KCTD1: variants seen among roughly 807,000 people sequenced by gnomAD.
KCTD1 encodes potassium channel tetramerization domain containing 1, also known as BTB/POZ domain-containing protein KCTD1.
Under a neutral mutation model 66.0 loss-of-function variants are expected in KCTD1, and 24 were observed. That is an observed-to-expected ratio of 0.36 (90% CI 0.26 to 0.51). The LOEUF (loss-of-function observed/expected upper bound fraction) is 0.51, where lower values mean the gene tolerates loss of function less well. Among genes scored for constraint, KCTD1 ranks in the 20% least tolerant of loss-of-function variants. The pLI is 0.95. For synonymous variants in KCTD1, 511 were observed against 517.2 expected (o/e 0.99, Z 0.16); for missense variants, 943 against 1,205.2 (o/e 0.78, Z 3.22).
At chr18:26,493,758 A>G (rs562937463) in intron 2 of KCTD1, among the ~76,000 whole-genome samples, 1 of 152,272 alleles carries the variant, frequency 6.6e-6, no homozygotes, top group African/African-American at 2.4e-5. Context: ...ATTATTGACT[A>G]TAGTCACTGT....
At position 26,468,992 on chromosome 18, in the gene KCTD1, A is replaced by T. The variant is rs998358324; in HGVS notation, c.2133+7523T>A. ...TGTATTTGTGACTCCTGTAAACTGC[A>T]CTGCTCCTGCTGATGCAATTCCATC... On this transcript the variant is annotated intron_variant, in intron 3 of 4. Transcript: ENST00000580059. The surrounding 1 kb of genome is among the most constrained non-coding windows in gnomAD (Gnocchi z 4.8). 6.6e-6 allele frequency among the ~76,000 whole-genome samples: 1 copy of T among 152,158 alleles called. No homozygotes were observed. The highest frequency in any genetic ancestry group is 6.5e-5 in the Admixed American group (1 of 15,284).
chr18:26,500,992 C>CACTG, intron 2 of KCTD1, 80 bp downstream of exon 2: 2 of 1,489,870 alleles, frequency 1.3e-6, no homozygotes, highest in Non-Finnish European at 1.8e-6. Context: ...CACGAGGCTA[C>CACTG]ACTGCTATGC....
chr18:26,463,225 G>A (rs928190034), intron 3 of KCTD1, among the ~76,000 whole-genome samples: 9 of 152,168 alleles, frequency 5.9e-5, no homozygotes, highest in East Asian at 1.9e-4. Flanking sequence ...GAAGGTGGAG[G>A]CAGGAGGATT....
intron 1 of KCTD1, among the ~76,000 whole-genome samples, chr18:26,532,452 T>G (rs2144780018): frequency 6.6e-6 from 1 of 151,892 alleles, no homozygotes; most frequent in South Asian, 2.1e-4. Flanking sequence ...TTTGTAGAGA[T>G]GGGGTCTCAT....
At chr18:26,651,991 T>C (rs1356156542) in intron 1 of KCTD1, among the ~76,000 whole-genome samples, 1 of 152,016 alleles carries the variant, frequency 6.6e-6, no homozygotes, top group Admixed American at 6.6e-5. Context: ...GAGATAGGTA[T>C]TCCAGACGGC....
intron 1 of KCTD1, among the ~76,000 whole-genome samples, chr18:26,614,212 C>T (rs1313629218): frequency 6.6e-6 from 1 of 152,178 alleles, no homozygotes; most frequent in Non-Finnish European, 1.5e-5. Context: ...GATCAGTGCC[C>T]AGCACACAGT....
At chr18:26,607,185 C>T (rs1265567659) in intron 1 of KCTD1, among the ~76,000 whole-genome samples, 2 of 152,170 alleles carry the variant, frequency 1.3e-5, no homozygotes, top group Non-Finnish European at 2.9e-5. Context: ...TAGGTGCAAG[C>T]CACCAAGCCA....
At chr18:26,570,467 G>A (rs1298884006) in intron 1 of KCTD1, among the ~76,000 whole-genome samples, 1 of 152,038 alleles carries the variant, frequency 6.6e-6, no homozygotes, top group Non-Finnish European at 1.5e-5. Context: ...GGAATTCAGT[G>A]GTGTGATCAT....
chr18:26,540,143 G>A (rs1984908030), intron 1 of KCTD1, among the ~76,000 whole-genome samples: 1 of 152,146 alleles, frequency 6.6e-6, no homozygotes, highest in Admixed American at 6.5e-5. Context: ...GGTTAAACCG[G>A]ACTAGGGACA....
At chr18:26,503,042 T>C (rs1982847642) in intron 1 of KCTD1, among the ~76,000 whole-genome samples, 1 of 152,190 alleles carries the variant, frequency 6.6e-6, no homozygotes, top group Non-Finnish European at 1.5e-5. Flanking sequence ...CTACTGTGAA[T>C]GGGGTGGTGA....
upstream of KCTD1, chr18:26,548,750 C>G (rs2144845346): frequency 9.0e-7 from 1 of 1,110,100 alleles, no homozygotes; most frequent in South Asian, 4.6e-5. Context: ...CAAGTTAGAC[C>G]GGAGAGATAG....
intron 2 of KCTD1, among the ~76,000 whole-genome samples, chr18:26,485,422 C>A (rs1211548340): frequency 2.6e-5 from 4 of 152,228 alleles, no homozygotes; most frequent in Non-Finnish European, 5.9e-5. Flanking sequence ...GACAGATTTG[C>A]ATCCTTGGGA....
intron 1 of KCTD1, among the ~76,000 whole-genome samples, chr18:26,637,593 G>A (rs11083175): frequency 0.16 from 23,921 of 152,220 alleles, 2,576 homozygotes; most frequent in East Asian, 0.29. Flanking sequence ...CGTCCTTTCA[G>A]TGGAGAAAGG....
intron 2 of KCTD1, among the ~76,000 whole-genome samples, chr18:26,477,929 G>T (rs903511432): frequency 6.6e-6 from 1 of 152,038 alleles, no homozygotes; most frequent in Admixed American, 6.5e-5. Context: ...AACTTTCCAC[G>T]AATTGCCTGT....
intron 2 of KCTD1, among the ~76,000 whole-genome samples, chr18:26,500,099 T>C (rs977796041): frequency 4.6e-5 from 7 of 151,824 alleles, no homozygotes; most frequent in African/African-American, 1.2e-4. Context: ...CTGGGCAACA[T>C]AGCGCGACCC....
At position 26,468,496 on chromosome 18, in the gene KCTD1, T is replaced by C. The variant is rs1980870311; in HGVS notation, c.2133+8019A>G. On this transcript the variant is annotated intron_variant, in intron 3 of 4. Transcript: ENST00000580059. The surrounding 1 kb of genome is among the most constrained non-coding windows in gnomAD (Gnocchi z 4.8). Reference sequence around the variant, plus strand: ...AGAAGCAGGTAATCAATAAACATTCTCCCTAACAAACTTAGTGAAAGAGAT... The same window carrying C: ...AGAAGCAGGTAATCAATAAACATTCCCCCTAACAAACTTAGTGAAAGAGAT... Among the ~76,000 whole-genome samples the C allele has an allele frequency of 6.6e-6, 1 of 152,096 alleles. No homozygotes were observed. The highest frequency in any genetic ancestry group is 2.4e-5 in the African/African-American group (1 of 41,422).
intron 1 of KCTD1, among the ~76,000 whole-genome samples, chr18:26,655,207 GCA>G (rs1290373549): frequency 6.6e-6 from 1 of 152,068 alleles, no homozygotes; most frequent in African/African-American, 2.4e-5. Flanking sequence ...CTAAAAAAAC[GCA>G]CACATACACA....
At chr18:26,545,365 A>C (rs1385115468) in intron 1 of KCTD1, 1 of 152,226 alleles carries the variant, frequency 6.6e-6, no homozygotes, top group Non-Finnish European at 1.5e-5. Context: ...TCAGAAATAG[A>C]CTACACACCT....
chr18:26,547,957 G>A lies in KCTD1; in HGVS notation c.580C>T (p.Pro194Ser). The change falls in exon 1 of 5, where the codon CCG becomes TCG. Residue 194 changes from proline to serine, a missense_variant. This residue lies in a region of KCTD1 where 96 missense variants were observed against 132.5 expected (regional missense o/e 0.72). Transcript: ENST00000580059. ...CCCTTGTCCATGGTCTCGAAGTCCG[G>A]GCTCTGCGCCTTCTCGCTCAGGTAC... ...REYLSEKAQS[P>S]DFETMDKGAL... 3 of 1,542,166 alleles carry A rather than the reference G, an allele frequency of 1.9e-6. No individual in the cohort carries two copies. The highest frequency in any genetic ancestry group is 2.6e-6 in the Non-Finnish European group (3 of 1,146,404).
Sources: allele counts gnomAD v4.1 joint callset (sites outside exome capture counted in the v4.1 genomes callset), GRCh38; gene constraint gnomAD v4.1.1; regional missense constraint gnomAD v4.1.1; non-coding constraint Gnocchi (gnomAD v3.1); transcripts MANE v1.5; gene names NCBI Gene and HGNC (gene_info 2026-07-23, HGNC 2026-07-21).